The following ARHGAP15 variants were observed in gnomAD, a reference collection of about 807,000 sequenced individuals.
The protein encoded by ARHGAP15 is Rho GTPase activating protein 15, also known as rho GTPase-activating protein 15.
A neutral mutation model predicts 63.7 loss-of-function variants in ARHGAP15; 51 were observed. The ratio of observed to expected loss-of-function variants is 0.80; its 90% CI spans 0.64 to 1.01. The LOEUF (loss-of-function observed/expected upper bound fraction) is 1.01. ARHGAP15 is among the 50% of genes least tolerant of loss of function. The pLI is 0.00. For synonymous variants in ARHGAP15, 191 were observed against 193.8 expected (o/e 0.99, Z 0.12); for missense variants, 560 against 564.6 (o/e 0.99, Z 0.08).
chr2:143,449,445 A>T (rs1443741840), intron 8 of ARHGAP15, among the ~76,000 whole-genome samples: 1 of 152,130 alleles, frequency 6.6e-6, no homozygotes, highest in Non-Finnish European at 1.5e-5. Context: ...CAAGAATAAT[A>T]GTATTTGATT....
At chr2:143,453,119 G>A (rs1385429729) in intron 8 of ARHGAP15, among the ~76,000 whole-genome samples, 2 of 151,930 alleles carry the variant, frequency 1.3e-5, no homozygotes, top group Non-Finnish European at 2.9e-5. Flanking sequence ...GCAGCTCAGT[G>A]ACATTATTAT....
At chr2:143,423,938 GAC>G (rs549342438) in intron 6 of ARHGAP15, among the ~76,000 whole-genome samples, 9 of 152,080 alleles carry the variant, frequency 5.9e-5, no homozygotes, top group Non-Finnish European at 1.2e-4. Flanking sequence ...AAAGGTTAGA[GAC>G]AGAGAAATTA....
intron 9 of ARHGAP15, among the ~76,000 whole-genome samples, chr2:143,495,753 T>C (rs1692788073): frequency 6.6e-6 from 1 of 152,210 alleles, no homozygotes. Context: ...AGAACTGATA[T>C]ATGACAGAGT....
At chr2:143,241,016 G>A (rs897035556) in intron 5 of ARHGAP15, among the ~76,000 whole-genome samples, 15 of 152,020 alleles carry the variant, frequency 9.9e-5, no homozygotes, top group African/African-American at 3.4e-4. Flanking sequence ...TCAGAAAACT[G>A]TTTTAATTAT....
chr2:143,500,864 C>T (rs1015110675), intron 9 of ARHGAP15, among the ~76,000 whole-genome samples: 4 of 152,152 alleles, frequency 2.6e-5, no homozygotes, highest in Non-Finnish European at 5.9e-5. Context: ...TCTCTTTCAA[C>T]AGTTGTTCAG....
intron 11 of ARHGAP15, among the ~76,000 whole-genome samples, chr2:143,561,072 G>T (rs1696000240): frequency 6.6e-6 from 1 of 152,192 alleles, no homozygotes; most frequent in Non-Finnish European, 1.5e-5. Flanking sequence ...TGCATGGGGG[G>T]TACTTTGCAA....
At chr2:143,614,050 T>C (rs1319490624) in intron 11 of ARHGAP15, among the ~76,000 whole-genome samples, 1 of 152,180 alleles carries the variant, frequency 6.6e-6, no homozygotes, top group Admixed American at 6.5e-5. Context: ...AAATGCATCA[T>C]GTTCTTCATT....
chr2:143,710,420 T>C (rs1684531835), intron 13 of ARHGAP15, among the ~76,000 whole-genome samples: 1 of 152,214 alleles, frequency 6.6e-6, no homozygotes, highest in Non-Finnish European at 1.5e-5. Context: ...AAATGTCATC[T>C]ACTTAGGAGA....
intron 4 of ARHGAP15, chr2:143,228,276 T>G (rs923099622): frequency 8.1e-5 from 15 of 185,288 alleles, no homozygotes; most frequent in African/African-American, 3.5e-4. Context: ...AAACATAAAC[T>G]TTTTATGGGA....
rs373360304 is a variant in ARHGAP15, at chr2:143,470,669, A to ATGTGTG, written c.704-16700_704-16695dup. On this transcript the variant is annotated intron_variant, in intron 8 of 13. Transcript: ENST00000295095. ...TGTGTGTATATATATACATGTATAT[A>ATGTGTG]TGTGTGTGTATATATATATGTATAT... Among the ~76,000 whole-genome samples the ATGTGTG allele has an allele frequency of 3.8e-5, 5 of 131,912 alleles. No individual in the cohort carries two copies. In the East Asian group the frequency reaches 1.7e-3, roughly 45 times the overall value. 86.5% of individuals were successfully genotyped at this position (131,912 alleles called of 152,430 possible).
intron 8 of ARHGAP15, among the ~76,000 whole-genome samples, chr2:143,457,925 A>G (rs1690739067): frequency 6.6e-6 from 1 of 152,032 alleles, no homozygotes; most frequent in South Asian, 2.1e-4. Context: ...TTACATAAGA[A>G]ATATTTTAGG....
intron 6 of ARHGAP15, among the ~76,000 whole-genome samples, chr2:143,296,828 C>T (rs570434598): frequency 7.1e-4 from 108 of 152,042 alleles, no homozygotes; most frequent in African/African-American, 2.5e-3. Context: ...CCCCTCTCCC[C>T]TCAAGTAGAT....
Position 143,212,435 on chromosome 2 carries a change from G to A in ARHGAP15, c.235-3949G>A, listed in dbSNP as rs144339484. ...TTAAATAGGGCTTCTAAGGAACATT[G>A]GACAAATAGCTCAAGAAGCCAGATT... On this transcript the variant is annotated intron_variant, in intron 3 of 13. Transcript: ENST00000295095. Among the ~76,000 whole-genome samples the A allele has an allele frequency of 1.9e-3, 295 of 152,264 alleles. 1 individual carries two copies. Among genetic ancestry groups the A allele is most frequent in the African/African-American group, 6.8e-3 (284 of 41,530 alleles).
intron 8 of ARHGAP15, among the ~76,000 whole-genome samples, chr2:143,441,011 G>A (rs1443839536): frequency 6.6e-6 from 1 of 152,006 alleles, no homozygotes; most frequent in Non-Finnish European, 1.5e-5. Context: ...TATAAAAATG[G>A]GTCTAATACT....
intron 6 of ARHGAP15, among the ~76,000 whole-genome samples, chr2:143,321,889 G>A (rs1684040251): frequency 6.6e-6 from 1 of 152,164 alleles, no homozygotes; most frequent in Non-Finnish European, 1.5e-5. Context: ...TGTTGCCCAT[G>A]CTGGTCTTGA....
intron 6 of ARHGAP15, among the ~76,000 whole-genome samples, chr2:143,322,993 G>A (rs1684091714): frequency 2.0e-5 from 3 of 152,130 alleles, no homozygotes; most frequent in African/African-American, 4.8e-5. Context: ...ATAAAGTTTG[G>A]TGCTGAATAG....
chr2:143,457,440 A>G (rs1690713386), intron 8 of ARHGAP15, among the ~76,000 whole-genome samples: 1 of 151,974 alleles, frequency 6.6e-6, no homozygotes, highest in Non-Finnish European at 1.5e-5. Context: ...CAGGAGGCTG[A>G]GGGAACTTAC....
chr2:143,271,720 C>T (rs1681294886), intron 6 of ARHGAP15, among the ~76,000 whole-genome samples: 1 of 152,194 alleles, frequency 6.6e-6, no homozygotes, highest in South Asian at 2.1e-4. Context: ...TCGTGATCCG[C>T]CCGCCTTGGC....
chr2:143,500,771 C>A (rs114204499), intron 9 of ARHGAP15, among the ~76,000 whole-genome samples: 3 of 152,024 alleles, frequency 2.0e-5, no homozygotes, highest in African/African-American at 7.2e-5. Context: ...TGCAGATAGC[C>A]GTCTAAGAAA....
Sources: allele counts gnomAD v4.1 joint callset (sites outside exome capture counted in the v4.1 genomes callset), GRCh38; gene constraint gnomAD v4.1.1; transcripts MANE v1.5; gene names NCBI Gene and HGNC (gene_info 2026-07-23, HGNC 2026-07-21).